Variants in ANKRD16 observed in about 807,000 individuals in gnomAD.
ANKRD16 encodes the protein ankyrin repeat domain 16, also known as ankyrin repeat domain-containing protein 16.
A neutral mutation model predicts 37.9 loss-of-function variants in ANKRD16; 35 were observed. The ratio of observed to expected loss-of-function variants is 0.92; its 90% CI spans 0.71 to 1.23. The LOEUF (loss-of-function observed/expected upper bound fraction) is 1.23. ANKRD16 is among the 50% of genes most tolerant of loss of function. The pLI, the probability that ANKRD16 is intolerant of heterozygous loss-of-function variation, is 0.00. For synonymous variants in ANKRD16, 206 were observed against 197.2 expected, an observed-to-expected ratio of 1.04 and a Z score of -0.37; for missense variants, 480 against 469.9, an observed-to-expected ratio of 1.02 and a Z score of -0.20.
rs939403677 is a variant in ANKRD16 at position 5,874,244 on chromosome 10, G to A, written c.*33+3853C>T. Among the ~76,000 whole-genome samples the A allele has an allele frequency of 6.6e-6, 1 of 152,140 alleles. No individual in the cohort carries two copies. Among genetic ancestry groups the A allele is most frequent in the African/African-American group, 2.4e-5 (1 of 41,434 alleles). On this transcript the variant is annotated intron_variant, in intron 7 of 7. Coordinates refer to ENST00000380094, the MANE Select transcript of ANKRD16 (RefSeq NM_019046.3). The surrounding 1 kb of genome is among the most constrained non-coding windows in gnomAD (Gnocchi z 4.7). ...ACACACTCACCATGGGAGCGGGTGT[G>A]CTTTTAGGACAAGCTGACAGCCCTG...
intron 2 of ANKRD16, 38 bp downstream of exon 2, chr10:5,887,809 A>ATG: frequency 6.4e-7 from 1 of 1,563,266 alleles, no homozygotes; most frequent in South Asian, 1.1e-5. Context: ...AAGCAGCCAC[A>ATG]TGTGTGTACT....
intron 2 of ANKRD16, among the ~76,000 whole-genome samples, chr10:5,887,277 AAC>A (rs1204919464): frequency 2.0e-5 from 3 of 152,248 alleles, no homozygotes; most frequent in Non-Finnish European, 4.4e-5. Flanking sequence ...TAGGGAGGAT[AAC>A]ACAGATACAC....
intron 7 of ANKRD16, among the ~76,000 whole-genome samples, chr10:5,876,526 C>T (rs1166560954): frequency 6.6e-6 from 1 of 152,210 alleles, no homozygotes; most frequent in African/African-American, 2.4e-5. Context: ...ACGCAGGCAT[C>T]TCTGGAGGAA....
Position 5,871,833 on chromosome 10 carries a change from C to T in ANKRD16, c.*33+6264G>A, listed in dbSNP as rs528401286. 5.3e-5 allele frequency among the ~76,000 whole-genome samples: 8 copies of T among 152,300 alleles called. No homozygotes were observed. The highest frequency in any genetic ancestry group is 2.1e-4 in the South Asian group (1 of 4,826). On this transcript the variant is annotated intron_variant, in intron 7 of 7. Transcript: ENST00000380094. This position sits in a 1 kb window ranked among gnomAD's most constrained non-coding sequence, Gnocchi z 4.5. ...ATGCTCATCCCCTCACTCACCCTCTCGGAGAAAACTACTGTCCTGTCAAAC... is the reference window on the plus strand; with the variant it reads ...ATGCTCATCCCCTCACTCACCCTCTTGGAGAAAACTACTGTCCTGTCAAAC...
Position 5,870,371 on chromosome 10 carries a change from G to A in ANKRD16, c.*34-7680C>T, listed in dbSNP as rs939368536. ...GCCTCTCTTCCCTGCGACTCTGCCC[G>A]GGCACCAGCCAGTCCTCATTCCCTC... On this transcript the variant is annotated intron_variant, in intron 7 of 7. Coordinates refer to ENST00000380094, the MANE Select transcript of ANKRD16 (RefSeq NM_019046.3). This position sits in a 1 kb window ranked among gnomAD's most constrained non-coding sequence, Gnocchi z 5.0. Among the ~76,000 whole-genome samples, 1 of 151,462 alleles carries A rather than the reference G, an allele frequency of 6.6e-6. No homozygotes were observed. Among genetic ancestry groups the A allele is most frequent in the Non-Finnish European group, 1.5e-5 (1 of 67,928 alleles).
rs1349388685 is a variant in ANKRD16 at position 5,872,712 on chromosome 10, A to C, written c.*33+5385T>G. On this transcript the variant is annotated intron_variant, in intron 7 of 7. Transcript: ENST00000380094. Reference sequence around the variant, plus strand: ...GCTAGGACTACAGGCGCCCGCCACCACACCCGGCTAATTTTTTGTATTTTT... The same window carrying C: ...GCTAGGACTACAGGCGCCCGCCACCCCACCCGGCTAATTTTTTGTATTTTT... 3.3e-5 allele frequency among the ~76,000 whole-genome samples: 5 copies of C among 151,114 alleles called. No individual in the cohort carries two copies. The South Asian group carries it at 6.3e-4, about 19-fold the overall frequency.
Position 5,868,995 on chromosome 10 carries a change from G to A in ANKRD16, c.*34-6304C>T, listed in dbSNP as rs1441877867. Among the ~76,000 whole-genome samples, 1 of 152,208 alleles carries A rather than the reference G, an allele frequency of 6.6e-6. No individual in the cohort carries two copies. The highest frequency in any genetic ancestry group is 1.5e-5 in the Non-Finnish European group (1 of 68,036). ...CGGGAAGAAACTTTTGGACAAGTTT[G>A]TCCAACCTGTGGCCCAGGTGGCTTT... On this transcript the variant is annotated intron_variant, in intron 7 of 7. Transcript: ENST00000380094. This position sits in a 1 kb window ranked among gnomAD's most constrained non-coding sequence, Gnocchi z 4.9.
In ANKRD16 at chr10:5,873,437, G is replaced by A. The variant is rs1309732518; in HGVS notation, c.*33+4660C>T. Among the ~76,000 whole-genome samples the A allele has an allele frequency of 2.0e-5, 3 of 152,090 alleles. 1 individual carries two copies. Among genetic ancestry groups the A allele is most frequent in the Non-Finnish European group, 4.4e-5 (3 of 67,992 alleles). ...GATCTGCCCGCCTCGGCCTCCCAAA[G>A]TGCTGGGATTATAGGTAGGGGCCAC... On this transcript the variant is annotated intron_variant, in intron 7 of 7. Coordinates refer to ENST00000380094, the MANE Select transcript of ANKRD16 (RefSeq NM_019046.3).
In ANKRD16 at chr10:5,862,295, G is replaced by A. The variant is rs1476919053; in HGVS notation, c.*430C>T. The stretch of plus-strand genomic sequence containing the variant: ...TGTTGACAATCTCATCAGAAGTGGT[G>A]CTACCACTGTGTTTCATGTTTTTGT... On this transcript the variant is annotated 3_prime_UTR_variant, in exon 8 of 8. Transcript: ENST00000380094. The surrounding 1 kb of genome is among the most constrained non-coding windows in gnomAD (Gnocchi z 6.5). 1 of 393,600 alleles carries A rather than the reference G, an allele frequency of 2.5e-6. No homozygotes were observed. The highest frequency in any genetic ancestry group is 2.1e-5 in the African/African-American group (1 of 47,430). 24.4% of individuals were successfully genotyped at this position (393,600 alleles called of 1,614,324 possible). A position where few individuals can be genotyped will look rare whatever the true frequency, so the allele number is the denominator to read the frequency against.
At chr10:5,886,758 A>G (rs1224413093) in intron 2 of ANKRD16, among the ~76,000 whole-genome samples, 1 of 152,244 alleles carries the variant, frequency 6.6e-6, no homozygotes, top group East Asian at 1.9e-4. Context: ...AACTTCTGAA[A>G]TTACAGTAAT....
chr10:5,879,787 T>A (rs1220055473), intron 6 of ANKRD16, among the ~76,000 whole-genome samples: 1 of 60,082 alleles, frequency 1.7e-5, no homozygotes, highest in Non-Finnish European at 3.9e-5. Flanking sequence ...GCAGTCATCA[T>A]CACTGTTATA....
Position 5,878,355 on chromosome 10 carries a change from G to T in ANKRD16, c.929-68C>A. 3 of 1,360,506 alleles carry T rather than the reference G, an allele frequency of 2.2e-6. No individual in the cohort carries two copies. Among genetic ancestry groups the T allele is most frequent in the Non-Finnish European group, 2.0e-6 (2 of 998,306 alleles). 84.3% of individuals were successfully genotyped at this position (1,360,506 alleles called of 1,614,324 possible). ...TGGAGCAATACTGACCTCATGAGTTGATAGTGCCCAATAAAAATATCAATT... is the reference window on the plus strand; with the variant it reads ...TGGAGCAATACTGACCTCATGAGTTTATAGTGCCCAATAAAAATATCAATT... On this transcript the variant is annotated intron_variant, in intron 6 of 7. Coordinates refer to ENST00000380094, the MANE Select transcript of ANKRD16 (RefSeq NM_019046.3). This position sits in a 1 kb window ranked among gnomAD's most constrained non-coding sequence, Gnocchi z 5.1.
rs933748813 is a variant in ANKRD16 at position 5,874,724 on chromosome 10, CG to C, written c.*33+3372del. Among the ~76,000 whole-genome samples the C allele has an allele frequency of 1.8e-4, 28 of 152,218 alleles. No homozygotes were observed. Among genetic ancestry groups the C allele is most frequent in the Middle Eastern group, 3.4e-3 (1 of 294 alleles). Reference sequence around the variant, plus strand: ...TGGCCTCAGAACATCCATGCAGAAACGTAAGCAGGCAGTGGAAAGTAAGGGC... The same window carrying C: ...TGGCCTCAGAACATCCATGCAGAAACTAAGCAGGCAGTGGAAAGTAAGGGC... On this transcript the variant is annotated intron_variant, in intron 7 of 7. Coordinates refer to ENST00000380094, the MANE Select transcript of ANKRD16 (RefSeq NM_019046.3). The surrounding 1 kb of genome is among the most constrained non-coding windows in gnomAD (Gnocchi z 4.7).
intron 1 of ANKRD16, 93 bp from the exon 2 acceptor site, chr10:5,888,160 G>T: frequency 8.4e-7 from 1 of 1,190,314 alleles, no homozygotes; most frequent in Non-Finnish European, 1.2e-6. Context: ...CCTTGGCACA[G>T]ATGGAAAACC....
Position 5,862,548 on chromosome 10 carries a change from C to G in ANKRD16, c.*177G>C, listed in dbSNP as rs1054671019. On this transcript the variant is annotated 3_prime_UTR_variant, in exon 8 of 8. Coordinates refer to ENST00000380094, the MANE Select transcript of ANKRD16 (RefSeq NM_019046.3). The surrounding 1 kb of genome is among the most constrained non-coding windows in gnomAD (Gnocchi z 6.5). ...TGTGGCACTGACTTCACCACTGGTA[C>G]ACCTCAGATATACAACTTTGATCTC... 1 of 1,232,580 alleles carries G rather than the reference C, an allele frequency of 8.1e-7. No individual in the cohort carries two copies. The highest frequency in any genetic ancestry group is 1.6e-5 in the African/African-American group (1 of 64,376). The allele number at this position is 1,232,580 out of a possible 1,614,324, so 76.4% of individuals were successfully genotyped here. A position where few individuals can be genotyped will look rare whatever the true frequency, so the allele number is the denominator to read the frequency against.
chr10:5,872,063 C>T (rs555533270), intron 7 of ANKRD16, among the ~76,000 whole-genome samples: 20 of 152,136 alleles, frequency 1.3e-4, no homozygotes, highest in Admixed American at 5.2e-4. Flanking sequence ...CTTAAAAAAA[C>T]GGAAACCAAT....
At chr10:5,877,953 C>T (rs1842210805) in intron 7 of ANKRD16, 144 bp downstream of exon 7, 2 of 833,732 alleles carry the variant, frequency 2.4e-6, no homozygotes, top group Admixed American at 2.5e-5. Flanking sequence ...GAGCTGGGAA[C>T]TCAGCCCCCT....
intron 4 of ANKRD16, 23 bp from the exon 5 acceptor site, chr10:5,883,190 G>T: frequency 6.2e-7 from 1 of 1,608,168 alleles, no homozygotes; most frequent in Non-Finnish European, 8.5e-7. Context: ...GGAGAGAAAG[G>T]AGCAAAGGTC....
At position 5,878,851 on chromosome 10, in the gene ANKRD16, T is replaced by TA. The variant is rs1842230624; in HGVS notation, c.929-565dup. On this transcript the variant is annotated intron_variant, in intron 6 of 7. Coordinates refer to ENST00000380094, the MANE Select transcript of ANKRD16 (RefSeq NM_019046.3). This position sits in a 1 kb window ranked among gnomAD's most constrained non-coding sequence, Gnocchi z 5.1. ...GAAGCAACAGAGCAAGTTAACAAGA[T>TA]ATAGGATACATCCTCTTCATACGCC... 6.6e-6 allele frequency among the ~76,000 whole-genome samples: 1 copy of TA among 151,710 alleles called. No homozygotes were observed. Among genetic ancestry groups the TA allele is most frequent in the Non-Finnish European group, 1.5e-5 (1 of 67,938 alleles).
Sources: allele counts gnomAD v4.1 joint callset (sites outside exome capture counted in the v4.1 genomes callset), GRCh38; gene constraint gnomAD v4.1.1; non-coding constraint Gnocchi (gnomAD v3.1); transcripts MANE v1.5; gene names NCBI Gene and HGNC (gene_info 2026-07-23, HGNC 2026-07-21).